Variants in EPHA6 observed in about 807,000 individuals in gnomAD.
EPHA6 encodes the protein ephrin type-A receptor 6.
A neutral mutation model predicts 112.0 loss-of-function variants in EPHA6; 50 were observed. The observed-to-expected ratio is 0.45, with a 90% CI of 0.36 to 0.56. The LOEUF (loss-of-function observed/expected upper bound fraction) is 0.56, where lower values mean the gene tolerates loss of function less well. EPHA6 is among the 20% of genes least tolerant of loss of function. The pLI, the probability that EPHA6 is intolerant of heterozygous loss-of-function variation, is 0.00. For missense variants in EPHA6, 1,280 were observed against 1,417.4 expected, an observed-to-expected ratio of 0.90 and a Z score of 1.56; for synonymous variants, 529 against 490.7, an observed-to-expected ratio of 1.08 and a Z score of -1.03.
chr3:97,077,033 A>T (rs987055214), intron 3 of EPHA6, among the ~76,000 whole-genome samples: 1 of 152,168 alleles, frequency 6.6e-6, no homozygotes, highest in Non-Finnish European at 1.5e-5. Flanking sequence ...TAAATACAAC[A>T]TCTGTGCTAT....
At chr3:96,915,091 A>G (rs2039420728) in intron 2 of EPHA6, among the ~76,000 whole-genome samples, 1 of 151,912 alleles carries the variant, frequency 6.6e-6, no homozygotes, top group Admixed American at 6.6e-5. Flanking sequence ...GGGCATATCA[A>G]GGGATGGATT....
At chr3:97,530,552 G>A (rs560314140) in intron 10 of EPHA6, among the ~76,000 whole-genome samples, 11 of 148,340 alleles carry the variant, frequency 7.4e-5, no homozygotes, top group African/African-American at 2.7e-4. Flanking sequence ...TTTTTTTTCA[G>A]TGAAGTCAGG....
At chr3:97,587,659 T>C (rs1424407910) in intron 11 of EPHA6, among the ~76,000 whole-genome samples, 1 of 152,194 alleles carries the variant, frequency 6.6e-6, no homozygotes, top group African/African-American at 2.4e-5. Flanking sequence ...GTGCTCCTGG[T>C]GGTTTTTTGT....
chr3:97,339,260 A>C (rs888073264), intron 5 of EPHA6, among the ~76,000 whole-genome samples: 1 of 152,152 alleles, frequency 6.6e-6, no homozygotes, highest in African/African-American at 2.4e-5. Flanking sequence ...GACATATGTA[A>C]ACAAATACAT....
At chr3:97,008,114 G>A (rs1370373941) in intron 3 of EPHA6, among the ~76,000 whole-genome samples, 2 of 152,104 alleles carry the variant, frequency 1.3e-5, no homozygotes, top group African/African-American at 4.8e-5. Flanking sequence ...GTATCTTAAT[G>A]GTGTTCTCTA....
chr3:96,892,225 C>T lies in EPHA6; in HGVS notation c.450+25336C>T, dbSNP rs138369421. The stretch of plus-strand genomic sequence containing the variant: ...ATGAAACATTATTTGGTTTTTTGTT[C>T]GTTTGTTTGTTTTGAGACAGAGTCT... On this transcript the variant is annotated intron_variant, in intron 2 of 17. Transcript: ENST00000389672. Among the ~76,000 whole-genome samples, 336 of 151,678 alleles carry T rather than the reference C, an allele frequency of 2.2e-3. 2 individuals are homozygous for T. The highest frequency in any genetic ancestry group is 6.8e-3 in the Middle Eastern group (2 of 292).
intron 14 of EPHA6, among the ~76,000 whole-genome samples, chr3:97,702,549 G>C (rs1284134442): frequency 1.3e-5 from 2 of 152,168 alleles, no homozygotes; most frequent in African/African-American, 2.4e-5. Context: ...GTAGCACAGA[G>C]AGAAACTTTT....
intron 3 of EPHA6, among the ~76,000 whole-genome samples, chr3:97,152,716 A>T (rs1342398801): frequency 6.6e-6 from 1 of 152,104 alleles, no homozygotes; most frequent in African/African-American, 2.4e-5. Flanking sequence ...AATGGTCTTA[A>T]TGATTACTTC....
chr3:96,939,672 T>C (rs185960130), intron 2 of EPHA6, among the ~76,000 whole-genome samples: 13 of 152,346 alleles, frequency 8.5e-5, no homozygotes, highest in Admixed American at 6.5e-4. Context: ...CTCTTGCTTT[T>C]CTAGTTCTTT....
intron 5 of EPHA6, among the ~76,000 whole-genome samples, chr3:97,305,679 G>A (rs2081288140): frequency 6.6e-6 from 1 of 151,912 alleles, no homozygotes; most frequent in Non-Finnish European, 1.5e-5. Context: ...AGAACACATG[G>A]ACACAGGGAG....
At chr3:97,709,466 C>CT (rs1477576207) in intron 14 of EPHA6, among the ~76,000 whole-genome samples, 2 of 152,196 alleles carry the variant, frequency 1.3e-5, no homozygotes, top group Non-Finnish European at 2.9e-5. Context: ...AAGTAACTAG[C>CT]TTGTTTTTGA....
At chr3:96,892,970 G>GTA (rs1226970277) in intron 2 of EPHA6, among the ~76,000 whole-genome samples, 1 of 151,464 alleles carries the variant, frequency 6.6e-6, no homozygotes, top group African/African-American at 2.4e-5. Context: ...GTGTGTGTGT[G>GTA]TGTGTGTGTG....
intron 7 of EPHA6, among the ~76,000 whole-genome samples, chr3:97,450,957 T>C (rs144297698): frequency 1.3e-5 from 2 of 152,050 alleles, no homozygotes; most frequent in African/African-American, 2.4e-5. Flanking sequence ...GTGAAAGGTT[T>C]CTGGAGGGTG....
At chr3:96,901,404 T>C (rs1186207727) in intron 2 of EPHA6, among the ~76,000 whole-genome samples, 1 of 152,118 alleles carries the variant, frequency 6.6e-6, no homozygotes, top group Non-Finnish European at 1.5e-5. Context: ...TTCCAACTGG[T>C]TATACTGTAG....
At chr3:97,106,011 CATG>C (rs2047556713) in intron 3 of EPHA6, among the ~76,000 whole-genome samples, 1 of 151,982 alleles carries the variant, frequency 6.6e-6, no homozygotes, top group Non-Finnish European at 1.5e-5. Flanking sequence ...GCAGATTTTC[CATG>C]ATCCCTTTGT....
intron 2 of EPHA6, among the ~76,000 whole-genome samples, chr3:96,968,257 G>A (rs1277811049): frequency 6.6e-6 from 1 of 151,572 alleles, no homozygotes; most frequent in East Asian, 1.9e-4. Flanking sequence ...ATTATGTGTA[G>A]CTTTTAGCTT....
chr3:96,861,290 T>A (rs2035988844), intron 1 of EPHA6, among the ~76,000 whole-genome samples: 1 of 152,142 alleles, frequency 6.6e-6, no homozygotes, highest in South Asian at 2.1e-4. Context: ...CTCTAGAGTA[T>A]AACTTGCTTT....
At chr3:97,613,032 C>T (rs1197038156) in intron 13 of EPHA6, among the ~76,000 whole-genome samples, 7 of 151,758 alleles carry the variant, frequency 4.6e-5, no homozygotes, top group Admixed American at 3.3e-4. Flanking sequence ...CCCCTTTGCA[C>T]GTAGAGTTTC....
At chr3:96,968,770 T>C (rs2042216823) in intron 2 of EPHA6, among the ~76,000 whole-genome samples, 1 of 151,928 alleles carries the variant, frequency 6.6e-6, no homozygotes, top group Non-Finnish European at 1.5e-5. Flanking sequence ...TCCTTGAAGT[T>C]TGCTAAGCGA....
Sources: gnomAD v4.1 joint callset for allele counts (sites outside exome capture counted in the v4.1 genomes callset) on GRCh38, gnomAD v4.1.1 for gene constraint, MANE v1.5 for transcripts, NCBI Gene and HGNC (gene_info 2026-07-23, HGNC 2026-07-21) for gene names.